The following ZNF804B variants were observed in gnomAD, a reference collection of about 807,000 sequenced individuals.
The protein encoded by ZNF804B is zinc finger 804B.
ZNF804B carries 80 observed loss-of-function variants against 101.4 expected under a neutral mutation model. The ratio of observed to expected loss-of-function variants is 0.79; its 90% CI spans 0.66 to 0.95. ZNF804B has a LOEUF of 0.95. Ranked by LOEUF, ZNF804B falls within the 40% of genes least tolerant of loss-of-function variation. The probability of loss-of-function intolerance (pLI) is 0.00; values close to 1 mark genes in which losing one functional copy is unlikely to be tolerated. For missense variants in ZNF804B, 1,673 were observed against 1,561.9 expected, an observed-to-expected ratio of 1.07 and a Z score of -1.20; for synonymous variants, 622 against 558.8, an observed-to-expected ratio of 1.11 and a Z score of -1.59.
chr7:89,019,887 G>T (rs1444184616), intron 1 of ZNF804B, among the ~76,000 whole-genome samples: 1 of 151,918 alleles, frequency 6.6e-6, no homozygotes, highest in African/African-American at 2.4e-5. Flanking sequence ...ATATAATTGG[G>T]TCTTATTTAT....
At chr7:89,081,746 T>G (rs1351282913) in intron 1 of ZNF804B, among the ~76,000 whole-genome samples, 1 of 151,812 alleles carries the variant, frequency 6.6e-6, no homozygotes, top group African/African-American at 2.4e-5. Context: ...CTCCTTCCCA[T>G]GTCTATTGAC....
At chr7:88,775,212 G>A (rs186124565) in intron 1 of ZNF804B, among the ~76,000 whole-genome samples, 140 of 152,308 alleles carry the variant, frequency 9.2e-4, no homozygotes, top group Non-Finnish European at 1.7e-3. Context: ...CTAGAATTGG[G>A]TAAGACTTCC....
chr7:89,285,285 G>C (rs186109464), intron 2 of ZNF804B, among the ~76,000 whole-genome samples: 2 of 151,850 alleles, frequency 1.3e-5, no homozygotes, highest in East Asian at 3.9e-4. Context: ...CACTTTGGGA[G>C]CCCGAGGCGG....
chr7:88,804,512 G>C (rs1790655828), intron 1 of ZNF804B, among the ~76,000 whole-genome samples: 4 of 151,666 alleles, frequency 2.6e-5, no homozygotes, highest in African/African-American at 9.7e-5. Flanking sequence ...TTTTTTTTCA[G>C]CTTCTTTGCA....
At chr7:89,129,331 G>A (rs751173387) in intron 1 of ZNF804B, among the ~76,000 whole-genome samples, 28 of 151,966 alleles carry the variant, frequency 1.8e-4, no homozygotes, top group Non-Finnish European at 3.2e-4. Flanking sequence ...TCCCTTGTCA[G>A]TATGGCTTCC....
intron 2 of ZNF804B, among the ~76,000 whole-genome samples, chr7:89,280,473 G>T (rs992040279): frequency 2.6e-5 from 4 of 151,996 alleles, no homozygotes; most frequent in African/African-American, 9.7e-5. Flanking sequence ...TCCAGGAGCT[G>T]GTTTTTTGAA....
chr7:89,138,985 C>CTGTG (rs139519196), intron 1 of ZNF804B, among the ~76,000 whole-genome samples: 1 of 151,462 alleles, frequency 6.6e-6, no homozygotes, highest in African/African-American at 2.4e-5. Context: ...TGGACTAATA[C>CTGTG]TGTGTGTGTG....
chr7:88,995,165 G>C (rs1428759852), intron 1 of ZNF804B, among the ~76,000 whole-genome samples: 1 of 152,072 alleles, frequency 6.6e-6, no homozygotes. Context: ...GAGCAGACTG[G>C]ATGAGAGAGG....
At chr7:88,876,557 A>G (rs1332997256) in intron 1 of ZNF804B, among the ~76,000 whole-genome samples, 3 of 152,132 alleles carry the variant, frequency 2.0e-5, no homozygotes, top group Non-Finnish European at 4.4e-5. Flanking sequence ...TTTCTTATCT[A>G]TCAATGAGTT....
At chr7:89,277,983 T>G (rs1208859) in intron 2 of ZNF804B, among the ~76,000 whole-genome samples, 9 of 151,906 alleles carry the variant, frequency 5.9e-5, no homozygotes, top group South Asian at 2.1e-4. Context: ...AAAAGTGTTC[T>G]TATTTCTCCA....
chr7:89,096,688 T>C (rs1037997515), intron 1 of ZNF804B, among the ~76,000 whole-genome samples: 1 of 152,214 alleles, frequency 6.6e-6, no homozygotes, highest in Non-Finnish European at 1.5e-5. Context: ...GTTTTTTAAA[T>C]CATTAGATTG....
chr7:89,252,116 G>T (rs539365160), intron 2 of ZNF804B, among the ~76,000 whole-genome samples: 19 of 152,198 alleles, frequency 1.2e-4, no homozygotes, highest in African/African-American at 4.3e-4. Flanking sequence ...AGAGTACACA[G>T]ACAACATACA....
At chr7:89,217,685 T>A (rs1788918347) in intron 1 of ZNF804B, among the ~76,000 whole-genome samples, 1 of 152,156 alleles carries the variant, frequency 6.6e-6, no homozygotes, top group Non-Finnish European at 1.5e-5. Flanking sequence ...TGGAGGAGGC[T>A]TTGGCAATGT....
chr7:89,136,736 AGTGTGTGTGTGTGT>A (rs3059353), intron 1 of ZNF804B, among the ~76,000 whole-genome samples: 18,149 of 145,614 alleles, frequency 0.12, 1,292 homozygotes, highest in Non-Finnish European at 0.16. Flanking sequence ...TGTGTGTGTG[AGTGTGTGTGTGTGT>A]GTGTGTGTGT....
At chr7:89,103,063 T>TTTGTTTTG (rs1562885460) in intron 1 of ZNF804B, among the ~76,000 whole-genome samples, 2 of 134,068 alleles carry the variant, frequency 1.5e-5, no homozygotes, top group African/African-American at 6.1e-5. Flanking sequence ...TTTTTTTTTT[T>TTTGTTTTG]TTTTTTTTTT....
intron 1 of ZNF804B, among the ~76,000 whole-genome samples, chr7:89,041,389 G>A (rs1789015424): frequency 6.6e-6 from 1 of 152,196 alleles, no homozygotes; most frequent in East Asian, 1.9e-4. Context: ...GGCCCACAGT[G>A]GCCAGCCTGA....
intron 1 of ZNF804B, among the ~76,000 whole-genome samples, chr7:88,825,235 A>T (rs1465043710): frequency 2.0e-5 from 3 of 152,184 alleles, no homozygotes; most frequent in African/African-American, 7.2e-5. Flanking sequence ...CTACTTTATC[A>T]GCAAAGCTAG....
At chr7:89,028,395 C>G (rs973952969) in intron 1 of ZNF804B, among the ~76,000 whole-genome samples, 2 of 152,042 alleles carry the variant, frequency 1.3e-5, no homozygotes, top group Non-Finnish European at 2.9e-5. Context: ...GAAAGGTAAA[C>G]AAGATTGCTG....
In ZNF804B at chr7:89,334,273, G is replaced by A. The variant is rs1562743549; in HGVS notation, c.1291G>A (p.Ala431Thr). The A allele has an allele frequency of 6.2e-7, 1 of 1,613,786 alleles. No homozygotes were observed. The highest frequency in any genetic ancestry group is 1.7e-5 in the Admixed American group (1 of 59,906). ...SKNVQRLVKE[A>T]CTHNVASKPL... Reference sequence around the variant, plus strand: ...AAATGTTCAAAGACTTGTAAAAGAAGCATGTACCCATAATGTGGCATCTAA... The same window carrying A: ...AAATGTTCAAAGACTTGTAAAAGAAACATGTACCCATAATGTGGCATCTAA... Residue 431 changes from alanine to threonine, a missense_variant, in exon 4 of 4, where the codon GCA (alanine) becomes ACA (threonine). Ala to Thr is a moderately conservative substitution (Grantham distance 58). Coordinates refer to ENST00000333190, the MANE Select transcript of ZNF804B (RefSeq NM_181646.5).
Sources: gnomAD v4.1 joint callset for allele counts (sites outside exome capture counted in the v4.1 genomes callset) on GRCh38, gnomAD v4.1.1 for gene constraint, MANE v1.5 for transcripts, NCBI Gene and HGNC (gene_info 2026-07-23, HGNC 2026-07-21) for gene names.